The following DCC variants were observed in gnomAD, a reference collection of about 807,000 sequenced individuals.
The protein encoded by DCC is DCC netrin 1 receptor, also known as netrin receptor DCC.
In DCC, 58 loss-of-function variants were observed where a neutral mutation model predicts 172.5. That is an observed-to-expected ratio of 0.34 (90% CI 0.27 to 0.42). The LOEUF is 0.42. Among genes scored for constraint, DCC ranks in the 10% least tolerant of loss-of-function variants. DCC has a pLI of 1.00. For synonymous variants in DCC, 709 were observed against 644.5 expected, an observed-to-expected ratio of 1.10 and a Z score of -1.52; for missense variants, 1,740 against 1,791.0, an observed-to-expected ratio of 0.97 and a Z score of 0.51.
chr18:52,724,867 C>A (rs972859344), intron 1 of DCC, among the ~76,000 whole-genome samples: 10 of 152,192 alleles, frequency 6.6e-5, no homozygotes. Context: ...TTGGTCTTCA[C>A]TACTAAGGAA....
chr18:52,844,111 T>C (rs947725379), intron 2 of DCC, among the ~76,000 whole-genome samples: 28 of 152,190 alleles, frequency 1.8e-4, no homozygotes, highest in Non-Finnish European at 2.8e-4. Flanking sequence ...CATAGGGTCA[T>C]TGTGAGAATT....
Position 53,148,675 on chromosome 18 carries a change from A to G in DCC, c.1262-8681A>G, listed in dbSNP as rs184397825. Among the ~76,000 whole-genome samples, 45 of 152,304 alleles carry G rather than the reference A, an allele frequency of 3.0e-4. No homozygotes were observed. In the East Asian group the frequency reaches 7.3e-3, roughly 25 times the overall value. On this transcript the variant is annotated intron_variant, in intron 7 of 28. Transcript: ENST00000442544. ...GACCTGAAATGAAATAAAGTCTTAT[A>G]GGAGCAGAAATATGGAACAATACAA... is the stretch of plus-strand genomic sequence containing the variant.
At chr18:53,120,519 G>C (rs2043469010) in intron 7 of DCC, among the ~76,000 whole-genome samples, 1 of 151,704 alleles carries the variant, frequency 6.6e-6, no homozygotes, top group African/African-American at 2.4e-5. Context: ...TGCAATTTAA[G>C]TTTATGTTCT....
intron 12 of DCC, among the ~76,000 whole-genome samples, chr18:53,280,075 C>T (rs1041820361): frequency 8.5e-5 from 13 of 152,096 alleles, no homozygotes; most frequent in African/African-American, 1.7e-4. Flanking sequence ...CAAATGTACC[C>T]ATGAACCTAA....
At chr18:52,635,471 AC>A (rs1420410948) in intron 1 of DCC, among the ~76,000 whole-genome samples, 2 of 152,338 alleles carry the variant, frequency 1.3e-5, no homozygotes, top group African/African-American at 4.8e-5. Context: ...GTATTAAAAA[AC>A]TGATTATATA....
chr18:52,646,594 C>T (rs2035024029), intron 1 of DCC, among the ~76,000 whole-genome samples: 2 of 152,176 alleles, frequency 1.3e-5, no homozygotes, highest in Non-Finnish European at 2.9e-5. Context: ...TTTGCCAGCA[C>T]TGCTCACAAA....
At chr18:53,305,841 A>T in intron 13 of DCC, 122 bp downstream of exon 13, 1 of 960,196 alleles carries the variant, frequency 1.0e-6, no homozygotes, top group Non-Finnish European at 1.7e-6. Flanking sequence ...GGTGACATCT[A>T]TTGGCTGGAA....
chr18:52,375,836 A>C (rs1415520082), intron 1 of DCC, among the ~76,000 whole-genome samples: 2 of 152,236 alleles, frequency 1.3e-5, no homozygotes, highest in Non-Finnish European at 2.9e-5. Context: ...TACTGGGAGT[A>C]CCAGGTCAGA....
intron 12 of DCC, among the ~76,000 whole-genome samples, chr18:53,255,603 C>A (rs1483744373): frequency 1.3e-5 from 2 of 151,960 alleles, no homozygotes; most frequent in African/African-American, 4.8e-5. Context: ...TTTTCTTAAT[C>A]CAGTCTATCA....
At chr18:52,791,114 T>C (rs74694262) in intron 2 of DCC, among the ~76,000 whole-genome samples, 6,565 of 152,264 alleles carry the variant, frequency 0.043, 221 homozygotes, top group South Asian at 0.16. Flanking sequence ...GCCAGGATGC[T>C]CAATGGCTGC....
rs545202168 is a variant in DCC at position 52,362,012 on chromosome 18, G to A, written c.91+21134G>A. Among the ~76,000 whole-genome samples the A allele has an allele frequency of 1.9e-4, 29 of 152,266 alleles. No individual in the cohort carries two copies. In the South Asian group the frequency reaches 5.6e-3, roughly 29 times the overall value. ...GACACACATTCTCATCCATACCTCT[G>A]AAGTCCCAAGGCACTAAAGACCACA... On this transcript the variant is annotated intron_variant, in intron 1 of 28. Coordinates refer to ENST00000442544, the MANE Select transcript of DCC (RefSeq NM_005215.4).
intron 1 of DCC, among the ~76,000 whole-genome samples, chr18:52,532,131 A>G (rs1489255316): frequency 6.6e-6 from 1 of 152,180 alleles, no homozygotes; most frequent in African/African-American, 2.4e-5. Flanking sequence ...ATGCATATTA[A>G]GGACTGTGTA....
At chr18:52,757,887 A>C (rs2037100531) in intron 2 of DCC, among the ~76,000 whole-genome samples, 3 of 152,124 alleles carry the variant, frequency 2.0e-5, no homozygotes, top group African/African-American at 7.2e-5. Flanking sequence ...GATAGTCTAA[A>C]TCCAGATGCA....
chr18:53,073,600 T>TA (rs1010897590), intron 7 of DCC, among the ~76,000 whole-genome samples: 5 of 151,696 alleles, frequency 3.3e-5, no homozygotes, highest in South Asian at 2.1e-4. Flanking sequence ...TAACATTGGT[T>TA]AAAAAAAATA....
rs1282133083 is a variant in DCC at position 52,340,815 on chromosome 18, G to A, written c.28G>A (p.Val10Ile). MENSLRCVWVPKLAFVLFGA... is the reference protein window; with the variant it reads MENSLRCVWIPKLAFVLFGA... Reference sequence around the variant, plus strand: ...GGAGAATAGTCTTAGATGTGTTTGGGTACCCAAGCTGGCTTTTGTACTCTT... The same window carrying A: ...GGAGAATAGTCTTAGATGTGTTTGGATACCCAAGCTGGCTTTTGTACTCTT... Residue 10 changes from valine to isoleucine, a missense_variant, in exon 1 of 29, where the codon GTA becomes ATA. Around this residue, in one of 2 missense-constraint regions of DCC, gnomAD observed 1,732 missense variants for 1,767.4 expected, o/e 0.98. Coordinates refer to ENST00000442544, the MANE Select transcript of DCC (RefSeq NM_005215.4). 1.9e-6 allele frequency: 3 copies of A among 1,613,992 alleles called. No individual in the cohort carries two copies. Among genetic ancestry groups the A allele is most frequent in the African/African-American group, 2.7e-5 (2 of 74,918 alleles).
intron 7 of DCC, among the ~76,000 whole-genome samples, chr18:53,083,728 G>C (rs2042838045): frequency 6.6e-6 from 1 of 152,110 alleles, no homozygotes; most frequent in Non-Finnish European, 1.5e-5. Flanking sequence ...TGTGCATAGA[G>C]ACCTGATTAA....
chr18:53,206,283 T>C, intron 10 of DCC, among the ~76,000 whole-genome samples: 1 of 133,904 alleles, frequency 7.5e-6, no homozygotes, highest in Non-Finnish European at 1.5e-5. Context: ...AACACATATA[T>C]ACCACATATA....
At chr18:53,054,481 G>A (rs143461858) in intron 5 of DCC, among the ~76,000 whole-genome samples, 1 of 152,154 alleles carries the variant, frequency 6.6e-6, no homozygotes, top group African/African-American at 2.4e-5. Flanking sequence ...CAAAAGCGTA[G>A]CAATAATGTC....
chr18:52,977,281 C>T (rs772454767), intron 5 of DCC, among the ~76,000 whole-genome samples: 4 of 152,106 alleles, frequency 2.6e-5, no homozygotes, highest in Non-Finnish European at 5.9e-5. Flanking sequence ...GTCTTCAGTC[C>T]TAGCTATCCA....
Sources: allele counts gnomAD v4.1 joint callset (sites outside exome capture counted in the v4.1 genomes callset), GRCh38; gene constraint gnomAD v4.1.1; regional missense constraint gnomAD v4.1.1; transcripts MANE v1.5; gene names NCBI Gene and HGNC (gene_info 2026-07-23, HGNC 2026-07-21).